The following LRP5 variants were observed in gnomAD, a reference collection of about 807,000 sequenced individuals.
LRP5 encodes low-density lipoprotein receptor-related protein 5.
Under a neutral mutation model 154.1 loss-of-function variants are expected in LRP5, and 62 were observed. The ratio of observed to expected loss-of-function variants is 0.40; its 90% CI spans 0.33 to 0.50. The LOEUF is 0.50. Ranked by LOEUF, LRP5 falls within the 20% of genes least tolerant of loss-of-function variation. LRP5 has a pLI of 0.55. For synonymous variants in LRP5, 966 were observed against 1,011.5 expected (o/e 0.96, Z 0.85); for missense variants, 1,915 against 2,336.7 (o/e 0.82, Z 3.72).
chr11:68,432,009 C>A (rs1335358614), intron 17 of LRP5, among the ~76,000 whole-genome samples: 1 of 152,222 alleles, frequency 6.6e-6, no homozygotes, highest in Non-Finnish European at 1.5e-5. Context: ...GACAGGGCCT[C>A]ACTGAGGTCT....
At chr11:68,336,926 G>T (rs1325902414) in intron 1 of LRP5, among the ~76,000 whole-genome samples, 1 of 152,206 alleles carries the variant, frequency 6.6e-6, no homozygotes, top group Non-Finnish European at 1.5e-5. Context: ...ATTGAAAACA[G>T]ACTTTCTTGA....
At chr11:68,388,600 A>G (rs1462422214) in intron 6 of LRP5, among the ~76,000 whole-genome samples, 1 of 152,026 alleles carries the variant, frequency 6.6e-6, no homozygotes, top group Non-Finnish European at 1.5e-5. Flanking sequence ...GCCCCAGGGA[A>G]CAAGTCACCT....
Position 68,404,448 on chromosome 11 carries a change from C to T in LRP5, c.1801+749C>T, listed in dbSNP as rs539635238. ...TGCCCGGGTTGACTCTGCTGCCCGT[C>T]GGGTGGATGTGATGTCAGATCCCCG... On this transcript the variant is annotated intron_variant, in intron 8 of 22. Transcript: ENST00000294304. The T allele has an allele frequency of 4.5e-4, 222 of 498,072 alleles. 1 individual carries two copies. Among genetic ancestry groups the T allele is most frequent in the African/African-American group, 3.1e-3 (163 of 51,770 alleles). The allele number at this position is 498,072 out of a possible 1,614,324, so 30.9% of individuals were successfully genotyped here.
intron 2 of LRP5, among the ~76,000 whole-genome samples, chr11:68,352,704 G>A (rs448389): frequency 6.6e-6 from 1 of 151,280 alleles, no homozygotes. Flanking sequence ...GCTTGGTTGG[G>A]AGGTATTTGA....
Position 68,413,440 on chromosome 11 carries a change from C to T in LRP5, c.2504-249C>T, listed in dbSNP as rs1340999133. On this transcript the variant is annotated intron_variant, in intron 11 of 22. Transcript: ENST00000294304. This position sits in a 1 kb window ranked among gnomAD's most constrained non-coding sequence, Gnocchi z 5.1. ...TGATGAGAACAAGAACCTGGAGTCT[C>T]GCTGCCTGGGTGGTAATCCTGGCCC... is the stretch of plus-strand genomic sequence containing the variant. 1.3e-5 allele frequency among the ~76,000 whole-genome samples: 2 copies of T among 152,204 alleles called. No individual in the cohort carries two copies. Among genetic ancestry groups the T allele is most frequent in the Non-Finnish European group, 2.9e-5 (2 of 68,024 alleles).
At chr11:68,437,137 G>A (rs1053149138) in intron 19 of LRP5, 138 bp downstream of exon 19, 13 of 708,096 alleles carry the variant, frequency 1.8e-5, no homozygotes, top group African/African-American at 7.0e-5. Flanking sequence ...GGCTCCTTGC[G>A]GGAGGCAGGG....
chr11:68,378,586 C>CT (rs1158924875), intron 5 of LRP5, among the ~76,000 whole-genome samples: 2 of 151,838 alleles, frequency 1.3e-5, no homozygotes, highest in African/African-American at 2.4e-5. Flanking sequence ...GTTTCAGAGG[C>CT]TTTTTTTTCC....
At chr11:68,356,943 T>TC (rs1342521259) in intron 2 of LRP5, among the ~76,000 whole-genome samples, 1 of 150,626 alleles carries the variant, frequency 6.6e-6, no homozygotes, top group African/African-American at 2.5e-5. Flanking sequence ...TCTTTTCTTT[T>TC]TTTTTTTTTT....
At chr11:68,347,091 G>T (rs1213339719) in intron 1 of LRP5, among the ~76,000 whole-genome samples, 3 of 152,222 alleles carry the variant, frequency 2.0e-5, no homozygotes. Flanking sequence ...GGGTGGTGGA[G>T]AGAAGTGTAG....
intron 5 of LRP5, among the ~76,000 whole-genome samples, chr11:68,379,045 CAAAAAA>C (rs992276529): frequency 7.3e-6 from 1 of 137,598 alleles, no homozygotes; most frequent in East Asian, 2.1e-4. Flanking sequence ...GACTCTGTCT[CAAAAAA>C]AAAAATAAAA....
chr11:68,357,855 C>A lies in LRP5; in HGVS notation c.686+8C>A. 1 of 1,606,544 alleles carries A rather than the reference C, an allele frequency of 6.2e-7. No individual in the cohort carries two copies. On this transcript the variant is annotated splice_region_variant and intron_variant, in intron 3 of 22. Transcript: ENST00000294304. ...CCTGGACGGCTCGTTCCGGTAGGTA[C>A]CCACGCAGTCCTGGGGCACCCCTTT... is the stretch of plus-strand genomic sequence containing the variant.
chr11:68,362,966 C>T (rs190601509), intron 3 of LRP5, among the ~76,000 whole-genome samples: 7 of 152,270 alleles, frequency 4.6e-5, no homozygotes, highest in Admixed American at 3.3e-4. Flanking sequence ...TTACCGACCA[C>T]GTCACATTAT....
At chr11:68,306,086 A>C in the LRP5 span, among the ~76,000 whole-genome samples, 104 of 152,234 alleles carry the variant, frequency 6.8e-4, no homozygotes, top group African/African-American at 2.3e-3. Context: ...CCTCATCTTC[A>C]CATGGCCTTT....
intron 15 of LRP5, 119 bp downstream of exon 15, chr11:68,425,411 G>T: frequency 1.9e-6 from 2 of 1,065,722 alleles, no homozygotes; most frequent in South Asian, 1.5e-5. Context: ...GGGGCTTTGT[G>T]TGTAGCGTGT....
intron 15 of LRP5, 96 bp from the exon 16 acceptor site, chr11:68,425,882 C>G (rs2098668471): frequency 2.7e-6 from 3 of 1,100,062 alleles, no homozygotes; most frequent in Admixed American, 1.7e-5. Context: ...CCCCCAGGCT[C>G]CCTGGCAGTC....
At chr11:68,440,331 C>T (rs1000212305) in intron 21 of LRP5, among the ~76,000 whole-genome samples, 1 of 152,144 alleles carries the variant, frequency 6.6e-6, no homozygotes, top group African/African-American at 2.4e-5. Flanking sequence ...TGGAAAACAG[C>T]TGGATGGTTT....
chr11:68,426,853 T>C (rs1037590227), intron 16 of LRP5, among the ~76,000 whole-genome samples: 2 of 152,242 alleles, frequency 1.3e-5, no homozygotes, highest in Non-Finnish European at 2.9e-5. Flanking sequence ...GCGGAGGCTC[T>C]GTGGAGAAAT....
At chr11:68,344,463 CGT>C (rs2153127488) in intron 1 of LRP5, among the ~76,000 whole-genome samples, 1 of 112,368 alleles carries the variant, frequency 8.9e-6, no homozygotes, top group Non-Finnish European at 1.8e-5. Context: ...GGGTTACAGG[CGT>C]GAGCCACCAC....
intron 7 of LRP5, among the ~76,000 whole-genome samples, chr11:68,403,263 A>G (rs777781164): frequency 6.6e-6 from 1 of 151,938 alleles, no homozygotes; most frequent in African/African-American, 2.4e-5. Flanking sequence ...AAACAAACAA[A>G]CAAACAAAAA....
Sources: allele counts gnomAD v4.1 joint callset (sites outside exome capture counted in the v4.1 genomes callset), GRCh38; gene constraint gnomAD v4.1.1; non-coding constraint Gnocchi (gnomAD v3.1); transcripts MANE v1.5; gene names NCBI Gene and HGNC (gene_info 2026-07-23, HGNC 2026-07-21).